BARHL1: variants seen among roughly 807,000 people sequenced by gnomAD.
BARHL1 encodes the protein BarH like homeobox 1, also known as barH-like 1 homeobox protein.
Under a neutral mutation model 20.1 loss-of-function variants are expected in BARHL1, and 2 were observed. The ratio of observed to expected loss-of-function variants is 0.10; its 90% CI spans 0.04 to 0.31. The LOEUF is 0.31. Among genes scored for constraint, BARHL1 ranks in the 10% least tolerant of loss-of-function variants. BARHL1 has a pLI of 1.00. For missense variants in BARHL1, 397 were observed against 454.0 expected (o/e 0.87, Z 1.14); for synonymous variants, 213 against 209.9 (o/e 1.01, Z -0.13).
intron 1 of BARHL1, among the ~76,000 whole-genome samples, chr9:132,583,772 G>C (rs1765378838): frequency 6.6e-6 from 1 of 152,160 alleles, no homozygotes; most frequent in Non-Finnish European, 1.5e-5. Flanking sequence ...CCTCCCAATG[G>C]GCCCAGTGTG....
intron 1 of BARHL1, among the ~76,000 whole-genome samples, chr9:132,583,619 G>A (rs956738188): frequency 2.6e-5 from 4 of 152,248 alleles, no homozygotes; most frequent in Non-Finnish European, 1.5e-5. Flanking sequence ...GGAAGAAACC[G>A]TGCAGAAGCA....
Position 132,589,209 on chromosome 9 carries a change from C to T in BARHL1, c.690-19C>T. The T allele has an allele frequency of 6.2e-7, 1 of 1,600,222 alleles. No individual in the cohort carries two copies. Among genetic ancestry groups the T allele is most frequent in the Non-Finnish European group, 8.5e-7 (1 of 1,173,658 alleles). ...GCCCTAGCCCTGATCCCGCCATACG[C>T]GTTTATTTCGGCCCCCAGGACTAAA... On this transcript the variant is annotated intron_variant, in intron 2 of 2. Transcript: ENST00000263610.
At position 132,582,790 on chromosome 9, in the gene BARHL1, G is replaced by T. The variant is rs1437223259; in HGVS notation, c.-8G>T. The T allele has an allele frequency of 6.4e-7, 1 of 1,572,928 alleles. No individual in the cohort carries two copies. The highest frequency in any genetic ancestry group is 1.7e-5 in the Admixed American group (1 of 58,480). On this transcript the variant is annotated 5_prime_UTR_variant, in exon 1 of 3. Transcript: ENST00000263610. Reference sequence around the variant, plus strand: ...GAGCTTTTGGGGAGGACAGGTCGCAGCTTGGCTATGGAAGGCTCCAATGGC... The same window carrying T: ...GAGCTTTTGGGGAGGACAGGTCGCATCTTGGCTATGGAAGGCTCCAATGGC...
chr9:132,587,132 C>A lies in BARHL1; in HGVS notation c.467-197C>A, dbSNP rs1231173216. On this transcript the variant is annotated intron_variant, in intron 1 of 2. Coordinates refer to ENST00000263610, the MANE Select transcript of BARHL1 (RefSeq NM_020064.4). This position sits in a 1 kb window ranked among gnomAD's most constrained non-coding sequence, Gnocchi z 5.5. Reference sequence around the variant, plus strand: ...GGGTCTCGGCCTCGGGCGCTCCCGCCGCCGTCCTGTTCCCCTCAGGGTTCA... The same window carrying A: ...GGGTCTCGGCCTCGGGCGCTCCCGCAGCCGTCCTGTTCCCCTCAGGGTTCA... Among the ~76,000 whole-genome samples, 1 of 152,236 alleles carries A rather than the reference C, an allele frequency of 6.6e-6. No homozygotes were observed. Among genetic ancestry groups the A allele is most frequent in the Non-Finnish European group, 1.5e-5 (1 of 68,046 alleles).
rs1302063648 is a variant in BARHL1, at chr9:132,587,485, G to A, written c.623G>A (p.Arg208His). ...ERQKYLSVQD[R>H]MELAASLNLT... is the part of the protein sequence containing the mutation. ...CAGAAGTACCTGAGCGTGCAGGACC[G>A]CATGGAGCTCGCCGCCTCGCTCAAC... Residue 208 changes from arginine to histidine, a missense_variant, in exon 2 of 3, where the codon CGC becomes CAC. Around this residue, in one of 3 missense-constraint regions of BARHL1, gnomAD observed 272 missense variants for 298.7 expected, o/e 0.91. Transcript: ENST00000263610. This position sits in a 1 kb window ranked among gnomAD's most constrained non-coding sequence, Gnocchi z 5.5. 6.2e-7 allele frequency: 1 copy of A among 1,612,374 alleles called. No individual in the cohort carries two copies. Among genetic ancestry groups the A allele is most frequent in the Non-Finnish European group, 8.5e-7 (1 of 1,179,506 alleles).
At chr9:132,589,095 GTTAT>G in intron 2 of BARHL1, 129 bp from the exon 3 acceptor site, 2 of 1,436,954 alleles carry the variant, frequency 1.4e-6, no homozygotes, top group Non-Finnish European at 1.8e-6. Flanking sequence ...CTGGCACTCG[GTTAT>G]TTATTAACAA....
At position 132,583,157 on chromosome 9, in the gene BARHL1, G is replaced by C. The variant is rs1830093741; in HGVS notation, c.360G>C (p.Pro120=). The C allele has an allele frequency of 6.8e-6, 11 of 1,613,654 alleles. No homozygotes were observed. In the East Asian group the frequency reaches 2.0e-4, roughly 29 times the overall value. The change falls in exon 1 of 3, where the codon CCG becomes CCC. Residue 120 remains proline, a synonymous_variant. Transcript: ENST00000263610. The part of the protein sequence containing the change: ...ACAPYSSSGQ[P]AAPEPGGRLA... ...CACCCTACTCTAGCAGCGGGCAGCCGGCAGCCCCTGAGCCTGGGGGCCGCC... is the reference window on the plus strand; with the variant it reads ...CACCCTACTCTAGCAGCGGGCAGCCCGCAGCCCCTGAGCCTGGGGGCCGCC...
chr9:132,585,814 C>T (rs991015319), intron 1 of BARHL1, among the ~76,000 whole-genome samples: 3 of 152,238 alleles, frequency 2.0e-5, no homozygotes, highest in South Asian at 2.1e-4. Flanking sequence ...CTCCCGACCT[C>T]CAACGCAGAC....
Position 132,582,651 on chromosome 9 carries a change from C to A in BARHL1, c.-147C>A. 2.9e-6 allele frequency: 2 copies of A among 699,284 alleles called. No homozygotes were observed. The allele number at this position is 699,284 out of a possible 1,614,324, so 43.3% of individuals were successfully genotyped here. ...AGGAGGTTGGCCCAGAGCTCCCGGG[C>A]TCCCCCAAGGCTGAACTCCGTCCAA... On this transcript the variant is annotated 5_prime_UTR_variant, in exon 1 of 3. Coordinates refer to ENST00000263610, the MANE Select transcript of BARHL1 (RefSeq NM_020064.4).
At position 132,589,556 on chromosome 9, in the gene BARHL1, G is replaced by C. The variant is rs930599713; in HGVS notation, c.*34G>C. On this transcript the variant is annotated 3_prime_UTR_variant, in exon 3 of 3. Transcript: ENST00000263610. Reference sequence around the variant, plus strand: ...TCGGCTCCGGGGCCTCCTCCCGCGGGCTCGGCGTGGCCCCTTCCGCCCGCC... The same window carrying C: ...TCGGCTCCGGGGCCTCCTCCCGCGGCCTCGGCGTGGCCCCTTCCGCCCGCC... 5.1e-5 allele frequency: 64 copies of C among 1,265,992 alleles called. No homozygotes were observed. Among genetic ancestry groups the C allele is most frequent in the Non-Finnish European group, 5.8e-5 (59 of 1,010,534 alleles). 78.4% of individuals were successfully genotyped at this position (1,265,992 alleles called of 1,614,324 possible). A position where few individuals can be genotyped will look rare whatever the true frequency, so the allele number is the denominator to read the frequency against.
At position 132,587,499 on chromosome 9, in the gene BARHL1, G is replaced by T. The variant is rs1436983648; in HGVS notation, c.637G>T (p.Ala213Ser). The stretch of plus-strand genomic sequence containing the variant: ...CGTGCAGGACCGCATGGAGCTCGCC[G>T]CCTCGCTCAACCTCACCGACACGCA... Reference protein sequence around the residue: ...LSVQDRMELAASLNLTDTQVK... With the variant: ...LSVQDRMELASSLNLTDTQVK... The change falls in exon 2 of 3, where the codon GCC (alanine) becomes TCC (serine). Residue 213 changes from alanine to serine, a missense_variant. By Grantham distance (99) the Ala-to-Ser change is moderately conservative. Around this residue, in one of 3 missense-constraint regions of BARHL1, gnomAD observed 272 missense variants for 298.7 expected, o/e 0.91. Coordinates refer to ENST00000263610, the MANE Select transcript of BARHL1 (RefSeq NM_020064.4). This position sits in a 1 kb window ranked among gnomAD's most constrained non-coding sequence, Gnocchi z 5.5. 1 of 1,612,500 alleles carries T rather than the reference G, an allele frequency of 6.2e-7. No individual in the cohort carries two copies. The highest frequency in any genetic ancestry group is 8.5e-7 in the Non-Finnish European group (1 of 1,179,580).
At chr9:132,588,733 T>C (rs1299266594) in intron 2 of BARHL1, among the ~76,000 whole-genome samples, 1 of 152,148 alleles carries the variant, frequency 6.6e-6, no homozygotes, top group Admixed American at 6.5e-5. Flanking sequence ...GCCTGCTCGC[T>C]TCTGCTAGCT....
At position 132,587,260 on chromosome 9, in the gene BARHL1, A is replaced by T. The variant is rs963774468; in HGVS notation, c.467-69A>T. ...CGGAAGCCGAGGTTACACAAACGCC[A>T]CGGGCAGGAGCGGGAGGGCACCGGC... is the stretch of plus-strand genomic sequence containing the variant. On this transcript the variant is annotated intron_variant, in intron 1 of 2. Coordinates refer to ENST00000263610, the MANE Select transcript of BARHL1 (RefSeq NM_020064.4). This position sits in a 1 kb window ranked among gnomAD's most constrained non-coding sequence, Gnocchi z 5.5. The T allele has an allele frequency of 2.8e-6, 4 of 1,408,708 alleles. No individual in the cohort carries two copies. Among genetic ancestry groups the T allele is most frequent in the Non-Finnish European group, 3.9e-6 (4 of 1,032,362 alleles). 87.3% of individuals were successfully genotyped at this position (1,408,708 alleles called of 1,614,324 possible).
Position 132,582,793 on chromosome 9 carries a change from T to G in BARHL1, c.-5T>G, listed in dbSNP as rs1179932873. ...CTTTTGGGGAGGACAGGTCGCAGCT[T>G]GGCTATGGAAGGCTCCAATGGCTTT... On this transcript the variant is annotated 5_prime_UTR_variant, in exon 1 of 3. Transcript: ENST00000263610. The G allele has an allele frequency of 6.3e-7, 1 of 1,575,376 alleles. No homozygotes were observed. Among genetic ancestry groups the G allele is most frequent in the African/African-American group, 1.3e-5 (1 of 74,248 alleles).
At chr9:132,583,543 G>A (rs1394908392) in intron 1 of BARHL1, among the ~76,000 whole-genome samples, 1 of 152,172 alleles carries the variant, frequency 6.6e-6, no homozygotes, top group Non-Finnish European at 1.5e-5. Context: ...ACTTCGACTG[G>A]GACCCCTGCC....
At position 132,587,382 on chromosome 9, in the gene BARHL1, C is replaced by A. The variant is rs766142746; in HGVS notation, c.520C>A (p.Arg174Ser). Reference sequence around the variant, plus strand: ...CAGCTCCAGGGACAGTCCCCCGGTGCGCCTGAAAAAGCCACGCAAGGCGCG... The same window carrying A: ...CAGCTCCAGGGACAGTCCCCCGGTGAGCCTGAAAAAGCCACGCAAGGCGCG... The part of the protein sequence containing the change: ...ISSSRDSPPV[R>S]LKKPRKARTA... Residue 174 changes from arginine to serine, a missense_variant, in exon 2 of 3, where the codon CGC becomes AGC. This residue lies in a region of BARHL1 where 272 missense variants were observed against 298.7 expected (regional missense o/e 0.91). Transcript: ENST00000263610. This position sits in a 1 kb window ranked among gnomAD's most constrained non-coding sequence, Gnocchi z 5.5. 12 of 1,611,848 alleles carry A rather than the reference C, an allele frequency of 7.4e-6. No individual in the cohort carries two copies. Among genetic ancestry groups the A allele is most frequent in the Non-Finnish European group, 1.0e-5 (12 of 1,179,580 alleles).
Position 132,589,650 on chromosome 9 carries a change from G to T in BARHL1, c.*128G>T. 8.4e-7 allele frequency: 1 copy of T among 1,192,138 alleles called. No individual in the cohort carries two copies. Among genetic ancestry groups the T allele is most frequent in the Non-Finnish European group, 1.0e-6 (1 of 957,128 alleles). 73.8% of individuals were successfully genotyped at this position (1,192,138 alleles called of 1,614,324 possible). On this transcript the variant is annotated 3_prime_UTR_variant, in exon 3 of 3. Coordinates refer to ENST00000263610, the MANE Select transcript of BARHL1 (RefSeq NM_020064.4). ...CTGCCCGGCCCTCCCTGGCGCCCCA[G>T]CCCAGTGCCCCCCGAAGGGCCAAAT...
chr9:132,587,517 G>C lies in BARHL1; in HGVS notation c.655G>C (p.Asp219His). Residue 219 changes from aspartate to histidine, a missense_variant, in exon 2 of 3, where the codon GAC (aspartate) becomes CAC (histidine). By Grantham distance (81) the Asp-to-His change is moderately conservative. Around this residue, in one of 3 missense-constraint regions of BARHL1, gnomAD observed 272 missense variants for 298.7 expected, o/e 0.91. Coordinates refer to ENST00000263610, the MANE Select transcript of BARHL1 (RefSeq NM_020064.4). The surrounding 1 kb of genome is among the most constrained non-coding windows in gnomAD (Gnocchi z 5.5). Reference sequence around the variant, plus strand: ...GCTCGCCGCCTCGCTCAACCTCACCGACACGCAGGTCAAGACCTGGTACCA... The same window carrying C: ...GCTCGCCGCCTCGCTCAACCTCACCCACACGCAGGTCAAGACCTGGTACCA... ...MELAASLNLTDTQVKTWYQNR... is the reference protein window; with the variant it reads ...MELAASLNLTHTQVKTWYQNR... The C allele has an allele frequency of 6.2e-7, 1 of 1,612,354 alleles. No individual in the cohort carries two copies. Among genetic ancestry groups the C allele is most frequent in the Non-Finnish European group, 8.5e-7 (1 of 1,179,442 alleles).
intron 1 of BARHL1, among the ~76,000 whole-genome samples, chr9:132,585,048 C>G (rs1830123695): frequency 6.6e-6 from 1 of 152,220 alleles, no homozygotes; most frequent in South Asian, 2.1e-4. Flanking sequence ...TATTTGCCCC[C>G]AGGAAGGATT....
Sources: allele counts gnomAD v4.1 joint callset (sites outside exome capture counted in the v4.1 genomes callset), GRCh38; gene constraint gnomAD v4.1.1; regional missense constraint gnomAD v4.1.1; non-coding constraint Gnocchi (gnomAD v3.1); transcripts MANE v1.5; gene names NCBI Gene and HGNC (gene_info 2026-07-23, HGNC 2026-07-21).